Variants in LINGO2 observed in about 807,000 individuals in gnomAD.
LINGO2 encodes leucine rich repeat and Ig domain containing 2, also known as leucine-rich repeat and immunoglobulin-like domain-containing nogo receptor-interacting protein 2.
LINGO2 carries 14 observed loss-of-function variants against 30.6 expected under a neutral mutation model. The observed-to-expected ratio is 0.46, with a 90% CI of 0.30 to 0.72. The LOEUF is 0.72. LINGO2 is among the 30% of genes least tolerant of loss of function. LINGO2 has a pLI of 0.07. For missense variants in LINGO2, 729 were observed against 751.7 expected (o/e 0.97, Z 0.35); for synonymous variants, 317 against 288.5 (o/e 1.10, Z -1.00).
At chr9:28,523,165 A>G (rs1378486655) in intron 1 of LINGO2, among the ~76,000 whole-genome samples, 1 of 152,126 alleles carries the variant, frequency 6.6e-6, no homozygotes, top group East Asian at 1.9e-4. Context: ...TTAATATCCT[A>G]AAATAAATGA....
chr9:28,087,653 A>G (rs937998222), intron 4 of LINGO2, among the ~76,000 whole-genome samples: 6 of 152,044 alleles, frequency 3.9e-5, no homozygotes, highest in African/African-American at 1.4e-4. Flanking sequence ...AATATGCCAC[A>G]TACTCAACAT....
chr9:28,269,930 C>T (rs936129396), intron 4 of LINGO2, among the ~76,000 whole-genome samples: 3 of 152,086 alleles, frequency 2.0e-5, no homozygotes, highest in Non-Finnish European at 4.4e-5. Flanking sequence ...AGGTCAATAA[C>T]AGCAACCACA....
chr9:28,691,068 T>C, the LINGO2 span, among the ~76,000 whole-genome samples: 1 of 152,200 alleles, frequency 6.6e-6, no homozygotes, highest in African/African-American at 2.4e-5. Flanking sequence ...CTTTAACACA[T>C]GCAATGTCAG....
At chr9:29,112,870 T>C in the LINGO2 span, among the ~76,000 whole-genome samples, 6 of 152,198 alleles carry the variant, frequency 3.9e-5, no homozygotes, top group Non-Finnish European at 7.3e-5. Context: ...TATGCTACAA[T>C]CTTTCTATGT....
upstream of LINGO2, among the ~76,000 whole-genome samples, chr9:28,675,239 T>C (rs1397667537): frequency 6.6e-6 from 1 of 152,202 alleles, no homozygotes; most frequent in Non-Finnish European, 1.5e-5. Flanking sequence ...TTCCATTATT[T>C]ATCACTGCCT....
intron 1 of LINGO2, among the ~76,000 whole-genome samples, chr9:28,585,769 C>A (rs1824502622): frequency 6.6e-6 from 1 of 152,040 alleles, no homozygotes; most frequent in South Asian, 2.1e-4. Flanking sequence ...TTCTTCCCAA[C>A]AAGTTCCAAC....
chr9:28,728,513 T>C, the LINGO2 span, among the ~76,000 whole-genome samples: 1 of 151,482 alleles, frequency 6.6e-6, no homozygotes, highest in African/African-American at 2.4e-5. Flanking sequence ...AAAATTGAGG[T>C]AAGGAGATGC....
the LINGO2 span, among the ~76,000 whole-genome samples, chr9:28,916,746 G>A: frequency 1.3e-5 from 2 of 152,288 alleles, no homozygotes; most frequent in South Asian, 2.1e-4. Context: ...ACTGTGTTAT[G>A]CACATGCCCT....
At chr9:27,980,812 T>C (rs1016093842) in intron 5 of LINGO2, among the ~76,000 whole-genome samples, 1 of 151,818 alleles carries the variant, frequency 6.6e-6, no homozygotes, top group African/African-American at 2.4e-5. Context: ...CTTGAGGGGA[T>C]AAGGCAATAG....
At chr9:28,727,252 T>TA in the LINGO2 span, among the ~76,000 whole-genome samples, 1 of 152,074 alleles carries the variant, frequency 6.6e-6, no homozygotes, top group Non-Finnish European at 1.5e-5. Flanking sequence ...AGTACCTGTC[T>TA]ATGGGGAACT....
chr9:28,686,248 A>G, the LINGO2 span, among the ~76,000 whole-genome samples: 1 of 152,020 alleles, frequency 6.6e-6, no homozygotes, highest in Non-Finnish European at 1.5e-5. Flanking sequence ...GTGTAATATA[A>G]TGCAAATGCT....
the LINGO2 span, among the ~76,000 whole-genome samples, chr9:28,996,313 T>G: frequency 2.6e-5 from 4 of 152,146 alleles, no homozygotes; most frequent in East Asian, 1.9e-4. Context: ...CACTGTGGGC[T>G]GAGGATACCA....
chr9:29,010,842 A>C, the LINGO2 span, among the ~76,000 whole-genome samples: 12 of 150,006 alleles, frequency 8.0e-5, no homozygotes, highest in African/African-American at 2.2e-4. Flanking sequence ...AGATTGTGCC[A>C]CTGCACTCCA....
the LINGO2 span, among the ~76,000 whole-genome samples, chr9:28,690,946 T>C: frequency 6.4e-3 from 967 of 152,238 alleles, 9 homozygotes; most frequent in Middle Eastern, 0.01. Flanking sequence ...TTTCAGTATA[T>C]AGAACAGGTA....
the LINGO2 span, among the ~76,000 whole-genome samples, chr9:29,174,769 T>C: frequency 2.6e-5 from 4 of 152,244 alleles, no homozygotes; most frequent in Non-Finnish European, 4.4e-5. Flanking sequence ...TATAAATACA[T>C]GTCAGGATGT....
At chr9:28,940,200 T>C in the LINGO2 span, among the ~76,000 whole-genome samples, 7 of 152,264 alleles carry the variant, frequency 4.6e-5, no homozygotes, top group Non-Finnish European at 7.4e-5. Flanking sequence ...CTCTTAGACA[T>C]GCAGGTAGGC....
the LINGO2 span, among the ~76,000 whole-genome samples, chr9:28,978,609 G>A: frequency 2.2e-4 from 33 of 152,218 alleles, no homozygotes; most frequent in Non-Finnish European, 1.3e-4. Flanking sequence ...AATATTGAGA[G>A]TATTTTGTTT....
the LINGO2 span, among the ~76,000 whole-genome samples, chr9:28,767,985 G>A: frequency 1.3e-5 from 2 of 152,020 alleles, no homozygotes; most frequent in East Asian, 1.9e-4. Flanking sequence ...CTTTGGTGGC[G>A]TTATCAGCCA....
intron 1 of LINGO2, among the ~76,000 whole-genome samples, chr9:28,550,404 A>T (rs538654974): frequency 6.6e-6 from 1 of 151,988 alleles, no homozygotes; most frequent in Admixed American, 6.6e-5. Flanking sequence ...TGTTTAAATT[A>T]ACTGAGTTTT....
Sources: gnomAD v4.1 joint callset for allele counts (sites outside exome capture counted in the v4.1 genomes callset) on GRCh38, gnomAD v4.1.1 for gene constraint, MANE v1.5 for transcripts, NCBI Gene and HGNC (gene_info 2026-07-23, HGNC 2026-07-21) for gene names.